Variants in PTPA observed in about 807,000 individuals in gnomAD.
PTPA encodes the protein protein phosphatase 2 phosphatase activator.
In PTPA, 13 loss-of-function variants were observed where a neutral mutation model predicts 43.6. The ratio of observed to expected loss-of-function variants is 0.30; its 90% CI spans 0.19 to 0.47. The LOEUF is 0.47. Among genes scored for constraint, PTPA ranks in the 20% least tolerant of loss-of-function variants. The pLI, the probability that PTPA is intolerant of heterozygous loss-of-function variation, is 0.99. For synonymous variants in PTPA, 172 were observed against 158.2 expected (o/e 1.09, Z -0.66); for missense variants, 329 against 411.9 (o/e 0.80, Z 1.74).
At chr9:129,136,380 T>G in intron 6 of PTPA, 91 bp from the exon 7 acceptor site, 1 of 1,389,344 alleles carries the variant, frequency 7.2e-7, no homozygotes, top group Non-Finnish European at 9.8e-7. Context: ...TCAGTGGTTA[T>G]TTTGGGGTCT....
Position 129,147,806 on chromosome 9 carries a change from G to A in PTPA, c.*342G>A. ...TGGTTTTGAGAGCAGGGGCTGTTCTGCAGCACCGCAGGGAAGGGAGGAGAG... is the reference window on the plus strand; with the variant it reads ...TGGTTTTGAGAGCAGGGGCTGTTCTACAGCACCGCAGGGAAGGGAGGAGAG... On this transcript the variant is annotated 3_prime_UTR_variant, in exon 10 of 10. Coordinates refer to ENST00000393370, the MANE Select transcript of PTPA (RefSeq NM_178000.3). The A allele has an allele frequency of 3.2e-6, 1 of 313,170 alleles. No individual in the cohort carries two copies. 19.4% of individuals were successfully genotyped at this position (313,170 alleles called of 1,614,324 possible). A position where few individuals can be genotyped will look rare whatever the true frequency, so the allele number is the denominator to read the frequency against.
intron 8 of PTPA, among the ~76,000 whole-genome samples, chr9:129,140,398 A>C (rs1850703200): frequency 6.6e-6 from 1 of 152,172 alleles, no homozygotes; most frequent in Admixed American, 6.5e-5. Context: ...GGGGTACTGA[A>C]GGCCTGGGGG....
chr9:129,142,142 T>C, intron 8 of PTPA: 1 of 301,556 alleles, frequency 3.3e-6, no homozygotes, highest in Non-Finnish European at 6.1e-6. Flanking sequence ...TCAGGCCCCC[T>C]TTTTTTGGCT....
chr9:129,142,141 CT>C (rs908286889), intron 8 of PTPA: 18 of 310,816 alleles, frequency 5.8e-5, no homozygotes, highest in Admixed American at 1.0e-4. Context: ...ATCAGGCCCC[CT>C]TTTTTTGGCT....
chr9:129,143,027 G>T, intron 9 of PTPA: 1 of 1,029,060 alleles, frequency 9.7e-7, no homozygotes, highest in Non-Finnish European at 1.4e-6. Flanking sequence ...GCCGAGAATT[G>T]GCATTTTTAT....
At position 129,123,080 on chromosome 9, in the gene PTPA, T is replaced by C; in HGVS notation, c.158T>C (p.Leu53Pro). The C allele has an allele frequency of 6.2e-7, 1 of 1,612,090 alleles. No individual in the cohort carries two copies. The highest frequency in any genetic ancestry group is 2.2e-5 in the East Asian group (1 of 44,850). Residue 53 changes from leucine to proline, a missense_variant, in exon 3 of 10, where the codon CTT (leucine) becomes CCT (proline). By Grantham distance (98) the Leu-to-Pro change is moderately conservative. Transcript: ENST00000393370. Reference sequence around the variant, plus strand: ...TACGCTGACTACATCGGATTCATCCTTACCCTCAACGAAGGTGTGAAGGGG... The same window carrying C: ...TACGCTGACTACATCGGATTCATCCCTACCCTCAACGAAGGTGTGAAGGGG... ...QAYADYIGFILTLNEGVKGKK... is the reference protein window; with the variant it reads ...QAYADYIGFIPTLNEGVKGKK...
chr9:129,111,352 C>A, upstream of PTPA: 14 of 1,193,698 alleles, frequency 1.2e-5, no homozygotes, highest in Non-Finnish European at 1.5e-5. Context: ...ACATGGCCGT[C>A]GCCCGGTTCC....
intron 4 of PTPA, among the ~76,000 whole-genome samples, chr9:129,129,383 A>C (rs556715034): frequency 6.6e-6 from 1 of 152,290 alleles, no homozygotes; most frequent in South Asian, 2.1e-4. Context: ...CCAAGTATCC[A>C]TCTGTAGGGG....
intron 9 of PTPA, among the ~76,000 whole-genome samples, chr9:129,144,883 A>C (rs1405359429): frequency 3.9e-5 from 6 of 152,066 alleles, no homozygotes. Flanking sequence ...AAATATAAAA[A>C]TTAGCTGGGT....
At chr9:129,136,907 G>A (rs1042369134) in intron 7 of PTPA, among the ~76,000 whole-genome samples, 37 of 152,218 alleles carry the variant, frequency 2.4e-4, no homozygotes, top group African/African-American at 8.9e-4. Flanking sequence ...CCCAGCTCCT[G>A]GCAGCAGCTG....
At chr9:129,123,329 G>A (rs886179732) in intron 3 of PTPA, among the ~76,000 whole-genome samples, 191 bp downstream of exon 3, 31 of 152,128 alleles carry the variant, frequency 2.0e-4, no homozygotes, top group African/African-American at 6.3e-4. Flanking sequence ...AAAATTAGCC[G>A]GGTGTGGTGA....
At position 129,136,496 on chromosome 9, in the gene PTPA, CAGAAAACAT is replaced by C. The variant is rs1457899199; in HGVS notation, c.588_596del (p.Gln196_Tyr199delinsHis). The C allele has an allele frequency of 3.1e-6, 5 of 1,613,664 alleles. No individual in the cohort carries two copies. In the Admixed American group the frequency reaches 8.3e-5, roughly 27 times the overall value. The stretch of plus-strand genomic sequence containing the variant: ...GTACCTTGAGGTTATGCGGAAACTC[CAGAAAACAT>C]ACAGGATGGAGCCAGCCGGCAGCCA... On this transcript the variant is annotated inframe_deletion, in exon 7 of 10. Coordinates refer to ENST00000393370, the MANE Select transcript of PTPA (RefSeq NM_178000.3).
At chr9:129,146,795 G>A (rs535468289) in intron 9 of PTPA, among the ~76,000 whole-genome samples, 16 of 152,266 alleles carry the variant, frequency 1.1e-4, no homozygotes, top group African/African-American at 1.9e-4. Flanking sequence ...TCAGGGAGTC[G>A]GGCCTCCCCC....
rs200816912 is a variant in PTPA, at chr9:129,134,903, A to G, written c.560+9A>G. On this transcript the variant is annotated intron_variant, in intron 6 of 9. Transcript: ENST00000393370. The stretch of plus-strand genomic sequence containing the variant: ...TTCAAGGTGTTCAATCGGTGAGAGA[A>G]AGGACAGGAGGGTTGGAGGAGGGGG... 1.9e-5 allele frequency: 30 copies of G among 1,608,622 alleles called. No individual in the cohort carries two copies. Among genetic ancestry groups the G allele is most frequent in the Admixed American group, 1.8e-4 (11 of 59,924 alleles).
chr9:129,140,500 C>T (rs973371179), intron 8 of PTPA, among the ~76,000 whole-genome samples: 10 of 152,238 alleles, frequency 6.6e-5, no homozygotes, highest in Admixed American at 3.9e-4. Context: ...GGGCCTAGCC[C>T]TGGCTCTGCC....
chr9:129,133,479 G>A (rs564614115), intron 5 of PTPA, among the ~76,000 whole-genome samples: 1 of 152,324 alleles, frequency 6.6e-6, no homozygotes, highest in South Asian at 2.1e-4. Flanking sequence ...AGGCCCTGGA[G>A]GGGTCTTCGT....
At chr9:129,131,073 G>A (rs1027041037) in intron 4 of PTPA, among the ~76,000 whole-genome samples, 1 of 145,904 alleles carries the variant, frequency 6.9e-6, no homozygotes, top group Admixed American at 7.0e-5. Context: ...CATTTCCATT[G>A]CATTTCCACC....
At chr9:129,127,458 C>T (rs767253188) in intron 3 of PTPA, among the ~76,000 whole-genome samples, 5 of 152,210 alleles carry the variant, frequency 3.3e-5, no homozygotes, top group Non-Finnish European at 5.9e-5. Context: ...CGTTTGTTTC[C>T]ATAGACACAG....
intron 9 of PTPA, chr9:129,143,635 C>CG (rs1307334277): frequency 3.5e-6 from 2 of 564,182 alleles, no homozygotes; most frequent in Non-Finnish European, 6.4e-6. Flanking sequence ...CTGAACAGAC[C>CG]GGGCCCTCAC....
Sources: gnomAD v4.1 joint callset for allele counts (sites outside exome capture counted in the v4.1 genomes callset) on GRCh38, gnomAD v4.1.1 for gene constraint, MANE v1.5 for transcripts, NCBI Gene and HGNC (gene_info 2026-07-23, HGNC 2026-07-21) for gene names.